Variants in EPB41L4A observed in about 807,000 individuals in gnomAD.
EPB41L4A encodes the protein erythrocyte membrane protein band 4.1 like 4A, also known as band 4.1-like protein 4A.
In EPB41L4A, 100 loss-of-function variants were observed where a neutral mutation model predicts 108.6. The observed-to-expected ratio is 0.92, with a 90% confidence interval of 0.78 to 1.09. EPB41L4A has a LOEUF of 1.09. EPB41L4A is among the 50% of genes least tolerant of loss of function. EPB41L4A has a pLI of 0.00. For missense variants in EPB41L4A, 1,030 were observed against 842.7 expected, an observed-to-expected ratio of 1.22 and a Z score of -2.75; for synonymous variants, 319 against 289.0, an observed-to-expected ratio of 1.10 and a Z score of -1.05.
chr5:112,226,818 G>C (rs774224376), intron 12 of EPB41L4A, among the ~76,000 whole-genome samples: 1 of 151,990 alleles, frequency 6.6e-6, no homozygotes, highest in African/African-American at 2.4e-5. Flanking sequence ...GAGCTGGGGA[G>C]AGCAGGAAGG....
chr5:112,387,070 G>A (rs1272698877), intron 1 of EPB41L4A, among the ~76,000 whole-genome samples: 2 of 152,152 alleles, frequency 1.3e-5, no homozygotes, highest in African/African-American at 2.4e-5. Flanking sequence ...CTCTGAATCT[G>A]GGGGCCTGCA....
chr5:112,168,861 T>A, intron 21 of EPB41L4A, 41 bp from the exon 22 acceptor site: 1 of 1,549,764 alleles, frequency 6.5e-7, no homozygotes, highest in Non-Finnish European at 8.9e-7. Flanking sequence ...TGGAACAGTA[T>A]CTAGAATCAT....
intron 2 of EPB41L4A, among the ~76,000 whole-genome samples, chr5:112,288,170 A>C (rs1003063439): frequency 6.6e-6 from 1 of 152,180 alleles, no homozygotes; most frequent in Non-Finnish European, 1.5e-5. Context: ...ACCCTTTCAA[A>C]ACAAGATCCT....
chr5:112,193,649 C>T (rs1453262077), intron 17 of EPB41L4A, among the ~76,000 whole-genome samples: 1 of 152,178 alleles, frequency 6.6e-6, no homozygotes, highest in Non-Finnish European at 1.5e-5. Flanking sequence ...AGTAAAGCAA[C>T]CAAGCCAGAG....
intron 1 of EPB41L4A, among the ~76,000 whole-genome samples, chr5:112,387,036 C>A (rs1561631736): frequency 6.6e-6 from 1 of 152,210 alleles, no homozygotes; most frequent in Non-Finnish European, 1.5e-5. Context: ...TGATTTAAGG[C>A]CTCTATTGCT....
chr5:112,166,999 A>G (rs1580352934), intron 22 of EPB41L4A, among the ~76,000 whole-genome samples: 1 of 152,112 alleles, frequency 6.6e-6, no homozygotes, highest in Non-Finnish European at 1.5e-5. Context: ...CAGAAGATGC[A>G]TGTGAGTTCT....
chr5:112,342,044 CATT>C (rs1421998227), intron 1 of EPB41L4A, among the ~76,000 whole-genome samples: 1 of 152,070 alleles, frequency 6.6e-6, no homozygotes, highest in Non-Finnish European at 1.5e-5. Flanking sequence ...ATTCACGAAA[CATT>C]ATGCAACTAG....
chr5:112,391,289 A>G (rs924004930), intron 1 of EPB41L4A, among the ~76,000 whole-genome samples: 1 of 152,002 alleles, frequency 6.6e-6, no homozygotes, highest in Non-Finnish European at 1.5e-5. Context: ...GCTAAAGGAG[A>G]AGTTCCTTGC....
intron 9 of EPB41L4A, among the ~76,000 whole-genome samples, chr5:112,243,035 G>A (rs1456426850): frequency 1.3e-5 from 2 of 152,064 alleles, no homozygotes; most frequent in Admixed American, 6.5e-5. Context: ...CCAACATGGC[G>A]AAACCACATC....
At chr5:112,144,630 C>T (rs967805036) in intron 13 of EPB41L4A, among the ~76,000 whole-genome samples, 1 of 152,168 alleles carries the variant, frequency 6.6e-6, no homozygotes, top group Non-Finnish European at 1.5e-5. Flanking sequence ...GAATTTACAC[C>T]TAATCCTCAA....
In EPB41L4A at chr5:112,240,813, AAGAG is replaced by A. The variant is rs766653454; in HGVS notation, c.796-7_796-4del. ...AAAAAGAATGAGGTTTCGTTACACT[AAGAG>A]AGAAAGAGAGACAGAATATGAATAA... On this transcript the variant is annotated splice_region_variant and splice_polypyrimidine_tract_variant and intron_variant, in intron 9 of 22. Coordinates refer to ENST00000261486, the MANE Select transcript of EPB41L4A (RefSeq NM_022140.5). The A allele has an allele frequency of 2.6e-6, 4 of 1,527,348 alleles. No homozygotes were observed. Among genetic ancestry groups the A allele is most frequent in the South Asian group, 1.2e-5 (1 of 82,108 alleles). 94.6% of individuals were successfully genotyped at this position (1,527,348 alleles called of 1,614,324 possible). A position where few individuals can be genotyped will look rare whatever the true frequency, so the allele number is the denominator to read the frequency against.
intron 1 of EPB41L4A, among the ~76,000 whole-genome samples, chr5:112,353,826 C>A (rs60806157): frequency 0.069 from 10,546 of 152,116 alleles, 1,005 homozygotes; most frequent in African/African-American, 0.22. Context: ...GGTGCACACA[C>A]ATGCCTAGGA....
At chr5:112,215,621 G>A (rs1226905547) in intron 12 of EPB41L4A, among the ~76,000 whole-genome samples, 3 of 152,046 alleles carry the variant, frequency 2.0e-5, no homozygotes. Context: ...AAATTAGCCA[G>A]GCGTGCTGGC....
At chr5:112,398,849 A>G (rs546146747) in intron 1 of EPB41L4A, among the ~76,000 whole-genome samples, 1 of 152,028 alleles carries the variant, frequency 6.6e-6, no homozygotes, top group South Asian at 2.1e-4. Flanking sequence ...ATGGGCTTCA[A>G]GGTGACACGT....
rs1759411969 is a variant in EPB41L4A at position 112,150,164 on chromosome 5, C to A, written n.995-4166G>T. 2.6e-5 allele frequency among the ~76,000 whole-genome samples: 4 copies of A among 152,122 alleles called. No homozygotes were observed. In the South Asian group the frequency reaches 8.3e-4, roughly 32 times the overall value. ...TACACTTATGTGTAGTCTGAGTGCT[C>A]CCAAGTCAGTGATACTCCAAGTACT... On this transcript the variant is annotated intron_variant and non_coding_transcript_variant, in intron 12 of 13. Transcript: ENST00000507810.
intron 17 of EPB41L4A, chr5:112,192,081 G>C (rs1000351712): frequency 1.3e-5 from 2 of 152,278 alleles, no homozygotes; most frequent in Non-Finnish European, 2.9e-5. Flanking sequence ...GAAAAGGAAG[G>C]ACGAATGAGG....
intron 9 of EPB41L4A, among the ~76,000 whole-genome samples, chr5:112,255,299 T>C (rs896042381): frequency 6.6e-6 from 1 of 152,218 alleles, no homozygotes; most frequent in Admixed American, 6.5e-5. Context: ...ACCTCTCTTA[T>C]GGGTTTTTCT....
At chr5:112,400,537 A>G (rs1176643570) in intron 1 of EPB41L4A, among the ~76,000 whole-genome samples, 2 of 152,052 alleles carry the variant, frequency 1.3e-5, no homozygotes, top group African/African-American at 2.4e-5. Flanking sequence ...TGGGAACAGG[A>G]GCAAGAAAGA....
chr5:112,160,100 G>A (rs961388440), downstream of EPB41L4A, among the ~76,000 whole-genome samples: 1 of 151,516 alleles, frequency 6.6e-6, no homozygotes, highest in Non-Finnish European at 1.5e-5. Flanking sequence ...TAGTAGAGAC[G>A]GGGTTTTGCC....
Sources: gnomAD v4.1 joint callset for allele counts (sites outside exome capture counted in the v4.1 genomes callset) on GRCh38, gnomAD v4.1.1 for gene constraint, MANE v1.5 for transcripts, NCBI Gene and HGNC (gene_info 2026-07-23, HGNC 2026-07-21) for gene names.